USP9X: variants seen among roughly 807,000 people sequenced by gnomAD.
The protein encoded by USP9X is ubiquitin specific peptidase 9 X-linked.
A neutral mutation model predicts 190.3 loss-of-function variants in USP9X; 7 were observed. The observed-to-expected ratio is 0.04, with a 90% confidence interval of 0.02 to 0.07. The LOEUF (loss-of-function observed/expected upper bound fraction) is 0.07, where lower values mean the gene tolerates loss of function less well. USP9X is among the 10% of genes least tolerant of loss of function. The pLI is 1.00. For synonymous variants in USP9X, 645 were observed against 659.5 expected (o/e 0.98, Z 0.34); for missense variants, 1,010 against 1,916.9 (o/e 0.53, Z 8.83).
intron 34 of USP9X, among the ~76,000 whole-genome samples, chrX:41,214,933 A>G (rs1414204674): frequency 1.8e-5 from 2 of 112,278 alleles, no homozygotes; most frequent in East Asian, 2.8e-4. Flanking sequence ...ATAGGTAAAT[A>G]AGAGTGAATA....
intron 1 of USP9X, among the ~76,000 whole-genome samples, chrX:41,102,748 AT>A (rs1040794251): frequency 1.8e-5 from 2 of 111,401 alleles, no homozygotes; most frequent in African/African-American, 3.3e-5. Flanking sequence ...AAGTTAGATA[AT>A]TTTGTCAAAA....
chrX:41,227,796 G>T (rs1305033945), intron 41 of USP9X, among the ~76,000 whole-genome samples: 1 of 110,398 alleles, frequency 9.1e-6, no homozygotes, highest in Non-Finnish European at 1.9e-5. Context: ...CGCCTCCCGG[G>T]TTTACGCCAT....
At chrX:41,125,734 GCTCT>G (rs1257734482) in intron 2 of USP9X, among the ~76,000 whole-genome samples, 35 of 97,094 alleles carry the variant, frequency 3.6e-4, no homozygotes, top group South Asian at 9.4e-4. Flanking sequence ...ACGCGCGCGC[GCTCT>G]CTCTCTCTCT....
chrX:41,118,049 G>A, intron 1 of USP9X, among the ~76,000 whole-genome samples: 1 of 111,408 alleles, frequency 9.0e-6, no homozygotes, highest in East Asian at 2.8e-4. Context: ...GCAGAGACAA[G>A]TTTCACCATG....
chrX:41,109,676 GA>G (rs2146955695), intron 1 of USP9X, among the ~76,000 whole-genome samples: 2 of 111,884 alleles, frequency 1.8e-5, no homozygotes, highest in South Asian at 7.4e-4. Flanking sequence ...TAACATATTT[GA>G]ATTTAACAAA....
At chrX:41,171,696 AG>A (rs1569179087) in intron 20 of USP9X, 141 bp from the exon 21 acceptor site, 4 of 730,124 alleles carry the variant, frequency 5.5e-6, no homozygotes, top group Non-Finnish European at 6.3e-6. Context: ...AGGGATTAAA[AG>A]ATGGGAAAGT....
intron 32 of USP9X, 94 bp downstream of exon 32, chrX:41,205,587 CT>C: frequency 2.8e-6 from 2 of 710,053 alleles, no homozygotes; most frequent in Non-Finnish European, 1.9e-6. Flanking sequence ...TGGAAGGCAT[CT>C]TTTTTTAAGC....
intron 33 of USP9X, among the ~76,000 whole-genome samples, chrX:41,211,933 GC>G (rs199501894): frequency 0.097 from 10,608 of 109,014 alleles, 314 homozygotes; most frequent in Admixed American, 0.15. Context: ...GAGCCCCTCT[GC>G]CCGGCCACCA....
chrX:41,128,987 A>AT lies in USP9X; in HGVS notation c.97-8dup. ...TAGAAACTTAAATGTGGAATGTTTA[A>AT]TTTTTAATTAAGACTTCATCGCCTG... is the stretch of plus-strand genomic sequence containing the variant. On this transcript the variant is annotated splice_polypyrimidine_tract_variant and intron_variant, in intron 2 of 44. Coordinates refer to ENST00000378308, the MANE Select transcript of USP9X (RefSeq NM_001039591.3). 1 of 1,204,270 alleles carries AT rather than the reference A, an allele frequency of 8.3e-7. No individual in the cohort carries two copies. Among genetic ancestry groups the AT allele is most frequent in the East Asian group, 3.0e-5 (1 of 33,689 alleles).
intron 21 of USP9X, among the ~76,000 whole-genome samples, chrX:41,180,489 T>G (rs2062816299): frequency 8.9e-6 from 1 of 112,256 alleles, no homozygotes; most frequent in Admixed American, 9.4e-5. Flanking sequence ...TACCTAAATT[T>G]GAAACAGCCA....
At position 41,184,024 on chromosome X, in the gene USP9X, G is replaced by C. The variant is rs774649513; in HGVS notation, c.3175G>C (p.Ala1059Pro). The C allele has an allele frequency of 8.3e-7, 1 of 1,202,509 alleles. No homozygotes were observed. Among genetic ancestry groups the C allele is most frequent in the Non-Finnish European group, 1.1e-6 (1 of 892,144 alleles). ...PDSTTIEKLR[A>P]ICLDHAKLGE... is the part of the protein sequence containing the mutation. ...TAGCACAACGATAGAAAAATTAAGA[G>C]CTATTTGTTTAGACCATGCCAAACT... Residue 1059 changes from alanine (A) to proline (P), a missense_variant, in exon 22 of 45, where the codon GCT (alanine) becomes CCT (proline). Transcript: ENST00000378308.
At position 41,196,601 on chromosome X, in the gene USP9X, A is replaced by G; in HGVS notation, c.4096A>G (p.Arg1366Gly). ...LLFTVLGSTA[R>G]ERAKHSGDYF... ...TCTACTCTGTTTCCAGAGCACAGCAAGAGAGAGAGCTAAACACTCAGGCGA... is the reference window on the plus strand; with the variant it reads ...TCTACTCTGTTTCCAGAGCACAGCAGGAGAGAGAGCTAAACACTCAGGCGA... Residue 1366 changes from arginine to glycine, a missense_variant, in exon 28 of 45, where the codon AGA becomes GGA. Physicochemically the swap from Arg to Gly is moderately radical, Grantham distance 125. Coordinates refer to ENST00000378308, the MANE Select transcript of USP9X (RefSeq NM_001039591.3). 1 of 1,208,352 alleles carries G rather than the reference A, an allele frequency of 8.3e-7. No individual in the cohort carries two copies. Among genetic ancestry groups the G allele is most frequent in the South Asian group, 1.8e-5 (1 of 55,889 alleles).
chrX:41,086,374 C>T (rs953815692), intron 1 of USP9X, among the ~76,000 whole-genome samples: 4 of 112,221 alleles, frequency 3.6e-5, no homozygotes, highest in African/African-American at 1.3e-4. Context: ...TCCGTCCCTC[C>T]CCCTCCTCCC....
intron 5 of USP9X, 21 bp from the exon 6 acceptor site, chrX:41,136,783 C>T (rs1233465508): frequency 8.7e-7 from 1 of 1,147,371 alleles, no homozygotes; most frequent in Non-Finnish European, 1.2e-6. Flanking sequence ...TTGTAAATCG[C>T]CTTTCCCCCT....
At chrX:41,205,153 AAC>A (rs1027048205) in intron 31 of USP9X, 148 bp from the exon 32 acceptor site, 6 of 422,984 alleles carry the variant, frequency 1.4e-5, no homozygotes, top group African/African-American at 5.5e-5. Flanking sequence ...GGTGGGGATA[AAC>A]ACTAAATAAC....
chrX:41,215,426 C>T (rs930153178), intron 34 of USP9X, among the ~76,000 whole-genome samples: 1 of 112,685 alleles, frequency 8.9e-6, no homozygotes, highest in Non-Finnish European at 1.9e-5. Context: ...CTCCTGAGAC[C>T]TGAGGCAAGT....
At chrX:41,148,739 A>C (rs1264020302) in intron 12 of USP9X, among the ~76,000 whole-genome samples, 164 bp downstream of exon 12, 1 of 111,943 alleles carries the variant, frequency 8.9e-6, no homozygotes, top group Non-Finnish European at 1.9e-5. Context: ...TCTGTACATC[A>C]AGGTTTTGTG....
intron 16 of USP9X, among the ~76,000 whole-genome samples, chrX:41,166,884 C>T (rs1756239954): frequency 8.9e-6 from 1 of 111,781 alleles, no homozygotes; most frequent in African/African-American, 3.3e-5. Flanking sequence ...AGAAACACAT[C>T]TTAAAACTCA....
chrX:41,176,194 C>T (rs1318115559), intron 21 of USP9X, among the ~76,000 whole-genome samples: 1 of 111,660 alleles, frequency 9.0e-6, no homozygotes, highest in Non-Finnish European at 1.9e-5. Context: ...GGGTCTCTAC[C>T]CCAGGGACAC....
Sources: gnomAD v4.1 joint callset for allele counts (sites outside exome capture counted in the v4.1 genomes callset) on GRCh38, gnomAD v4.1.1 for gene constraint, MANE v1.5 for transcripts, NCBI Gene and HGNC (gene_info 2026-07-23, HGNC 2026-07-21) for gene names.